Variants in SGCD observed in about 807,000 individuals in gnomAD.
SGCD encodes sarcoglycan delta, also known as delta-sarcoglycan.
Under a neutral mutation model 36.6 loss-of-function variants are expected in SGCD, and 18 were observed. The ratio of observed to expected loss-of-function variants is 0.49; its 90% CI spans 0.34 to 0.73. The LOEUF (loss-of-function observed/expected upper bound fraction) is 0.73, where lower values mean the gene tolerates loss of function less well. SGCD is among the 30% of genes least tolerant of loss of function. The pLI is 0.01. For synonymous variants in SGCD, 133 were observed against 130.6 expected, an observed-to-expected ratio of 1.02 and a Z score of -0.12; for missense variants, 387 against 346.7, an observed-to-expected ratio of 1.12 and a Z score of -0.92.
At chr5:156,754,714 A>G (rs2113161119) in intron 7 of SGCD, among the ~76,000 whole-genome samples, 1 of 152,352 alleles carries the variant, frequency 6.6e-6, no homozygotes, top group South Asian at 2.1e-4. Flanking sequence ...CCTTGTTTGT[A>G]TAATCAGGAC....
At chr5:156,138,083 G>A (rs1018357826) in intron 3 of SGCD, among the ~76,000 whole-genome samples, 6 of 152,018 alleles carry the variant, frequency 3.9e-5, no homozygotes, top group South Asian at 2.1e-4. Flanking sequence ...CACTGAGGCC[G>A]CCAGTGTTCT....
At chr5:156,179,602 T>C (rs940112178) in intron 3 of SGCD, among the ~76,000 whole-genome samples, 6 of 151,650 alleles carry the variant, frequency 4.0e-5, no homozygotes, top group African/African-American at 1.2e-4. Flanking sequence ...CCCCAATGAA[T>C]ATGTTATAAT....
At chr5:155,854,748 C>T in the SGCD span, among the ~76,000 whole-genome samples, 1 of 152,120 alleles carries the variant, frequency 6.6e-6, no homozygotes, top group Non-Finnish European at 1.5e-5. Flanking sequence ...ACATGTCATA[C>T]AAATCTCACC....
the SGCD span, among the ~76,000 whole-genome samples, chr5:155,821,559 T>A: frequency 6.6e-6 from 1 of 152,180 alleles, no homozygotes; most frequent in African/African-American, 2.4e-5. Flanking sequence ...GTGATCCACT[T>A]GCCTTGGCCT....
At chr5:155,814,964 T>C in the SGCD span, among the ~76,000 whole-genome samples, 2 of 152,208 alleles carry the variant, frequency 1.3e-5, no homozygotes, top group Non-Finnish European at 2.9e-5. Flanking sequence ...GATCAGTTTA[T>C]ATATAATCCT....
At chr5:156,720,476 A>C (rs1207440026) in intron 7 of SGCD, among the ~76,000 whole-genome samples, 1 of 152,198 alleles carries the variant, frequency 6.6e-6, no homozygotes, top group Non-Finnish European at 1.5e-5. Flanking sequence ...GGGGAAGAGC[A>C]CAGTAACTGA....
chr5:155,959,994 G>C (rs1757757984), intron 1 of SGCD, among the ~76,000 whole-genome samples: 1 of 152,030 alleles, frequency 6.6e-6, no homozygotes, highest in Non-Finnish European at 1.5e-5. Flanking sequence ...GGGCTAGAGA[G>C]AGAAAAAATG....
At chr5:156,302,768 G>T (rs951775493) in intron 3 of SGCD, among the ~76,000 whole-genome samples, 23 of 152,150 alleles carry the variant, frequency 1.5e-4, no homozygotes, top group African/African-American at 5.3e-4. Context: ...ATATTTGGGA[G>T]AATTCCCTGT....
At chr5:156,474,344 C>T (rs921353560) in intron 3 of SGCD, among the ~76,000 whole-genome samples, 1 of 152,232 alleles carries the variant, frequency 6.6e-6, no homozygotes, top group African/African-American at 2.4e-5. Flanking sequence ...GTCAGGATCT[C>T]ACCCAGGCAC....
Position 156,111,137 on chromosome 5 carries a change from G to A in SGCD, c.-281-6741G>A, listed in dbSNP as rs76016813. Among the ~76,000 whole-genome samples, 15 of 152,278 alleles carry A rather than the reference G, an allele frequency of 9.9e-5. No individual in the cohort carries two copies. The East Asian group carries it at 1.7e-3, about 18-fold the overall frequency. ...AGAGAGGAGGTGCTCAGAGAAAGTC[G>A]CAAATTACCCTCAAATCTGTTTTCA... is the stretch of plus-strand genomic sequence containing the variant. On this transcript the variant is annotated intron_variant, in intron 1 of 9. Transcript: ENST00000517913.
At chr5:156,335,530 G>A (rs1326448403) in intron 2 of SGCD, among the ~76,000 whole-genome samples, 2 of 152,050 alleles carry the variant, frequency 1.3e-5, no homozygotes, top group Admixed American at 1.3e-4. Context: ...GTTTCCAAGT[G>A]CCATCATAGT....
intron 7 of SGCD, among the ~76,000 whole-genome samples, chr5:156,718,563 G>A (rs1755330674): frequency 1.3e-5 from 2 of 151,898 alleles, no homozygotes; most frequent in African/African-American, 4.8e-5. Context: ...GTGGATCACT[G>A]GAGCCCAGGA....
the SGCD span, among the ~76,000 whole-genome samples, chr5:155,769,920 C>A: frequency 6.6e-6 from 1 of 152,092 alleles, no homozygotes; most frequent in East Asian, 1.9e-4. Flanking sequence ...CACAAGATTT[C>A]TTTCACTCCT....
At chr5:156,535,410 C>A (rs1020278550) in intron 4 of SGCD, among the ~76,000 whole-genome samples, 1 of 152,160 alleles carries the variant, frequency 6.6e-6, no homozygotes, top group Non-Finnish European at 1.5e-5. Flanking sequence ...ATGTTAGCAA[C>A]GTTTAATGAA....
At chr5:156,026,067 A>G (rs560743034) in intron 1 of SGCD, among the ~76,000 whole-genome samples, 12 of 152,352 alleles carry the variant, frequency 7.9e-5, no homozygotes, top group South Asian at 2.1e-4. Flanking sequence ...TAGACTTTCA[A>G]TTTACCAAAG....
At chr5:156,133,914 AACACACAC>A (rs70981997) in intron 3 of SGCD, among the ~76,000 whole-genome samples, 4,330 of 140,392 alleles carry the variant, frequency 0.031, 96 homozygotes, top group African/African-American at 0.058. Flanking sequence ...GCCGGGTTAA[AACACACAC>A]ACACACACAC....
At chr5:155,782,026 CT>C in the SGCD span, among the ~76,000 whole-genome samples, 81,498 of 122,680 alleles carry the variant, frequency 0.66, 25,572 homozygotes, top group East Asian at 0.8. Flanking sequence ...TTTTTCTTTT[CT>C]TTTTTTTTTT....
chr5:156,074,838 C>T (rs1156890336), intron 1 of SGCD, among the ~76,000 whole-genome samples: 2 of 152,248 alleles, frequency 1.3e-5, no homozygotes, highest in Admixed American at 6.5e-5. Context: ...ACAACAGTCA[C>T]ACTGGTTTAA....
At chr5:156,131,445 T>C (rs1762321770) in intron 3 of SGCD, among the ~76,000 whole-genome samples, 1 of 152,228 alleles carries the variant, frequency 6.6e-6, no homozygotes, top group African/African-American at 2.4e-5. Context: ...TATGTGATGG[T>C]TACTTACGAG....
Sources: allele counts gnomAD v4.1 joint callset (sites outside exome capture counted in the v4.1 genomes callset), GRCh38; gene constraint gnomAD v4.1.1; transcripts MANE v1.5; gene names NCBI Gene and HGNC (gene_info 2026-07-23, HGNC 2026-07-21).